Variants in CCDC178 observed in about 807,000 individuals in gnomAD.
CCDC178 encodes the protein coiled-coil domain containing 178.
A neutral mutation model predicts 117.4 loss-of-function variants in CCDC178; 126 were observed. The observed-to-expected ratio is 1.07, with a 90% confidence interval of 0.93 to 1.24. The LOEUF (loss-of-function observed/expected upper bound fraction) is 1.24, where lower values mean the gene tolerates loss of function less well. CCDC178 is among the 50% of genes most tolerant of loss of function. CCDC178 has a pLI of 0.00. For missense variants in CCDC178, 1,030 were observed against 986.9 expected (o/e 1.04, Z -0.59); for synonymous variants, 283 against 313.4 (o/e 0.90, Z 1.02).
At chr18:32,995,291 G>T (rs866536367) in intron 21 of CCDC178, among the ~76,000 whole-genome samples, 1 of 152,154 alleles carries the variant, frequency 6.6e-6, no homozygotes, top group Admixed American at 6.5e-5. Context: ...TTACAGAAAA[G>T]CAATTGTTAT....
At chr18:33,389,355 T>C (rs1032100679) in intron 5 of CCDC178, among the ~76,000 whole-genome samples, 185 bp downstream of exon 5, 7 of 151,884 alleles carry the variant, frequency 4.6e-5, no homozygotes, top group African/African-American at 1.7e-4. Context: ...AGATTATACA[T>C]TAACAATATA....
chr18:33,330,753 G>T (rs1429467461), intron 10 of CCDC178, among the ~76,000 whole-genome samples: 1 of 152,102 alleles, frequency 6.6e-6, no homozygotes, highest in African/African-American at 2.4e-5. Flanking sequence ...CAGTCCAAAA[G>T]TAGTGTGCTT....
At chr18:33,293,774 ATAC>A (rs1288481527) in intron 11 of CCDC178, among the ~76,000 whole-genome samples, 1 of 152,228 alleles carries the variant, frequency 6.6e-6, no homozygotes, top group African/African-American at 2.4e-5. Context: ...TTCTAAAAAA[ATAC>A]TACTTAGATG....
chr18:33,326,890 A>C (rs902307733), intron 10 of CCDC178, among the ~76,000 whole-genome samples: 1 of 152,018 alleles, frequency 6.6e-6, no homozygotes, highest in Admixed American at 6.5e-5. Context: ...GCGAAAACTC[A>C]ATTAGCCCAA....
At chr18:33,134,061 A>C (rs2058097836) in intron 20 of CCDC178, among the ~76,000 whole-genome samples, 1 of 151,934 alleles carries the variant, frequency 6.6e-6, no homozygotes, top group South Asian at 2.1e-4. Flanking sequence ...AAGAAAAGAA[A>C]AAAATTTAAA....
intron 21 of CCDC178, among the ~76,000 whole-genome samples, chr18:32,978,203 A>ATTTTTTTTTTTTTTTTTT (rs34863142): frequency 1.1e-5 from 1 of 90,022 alleles, no homozygotes; most frequent in African/African-American, 4.1e-5. Context: ...CTCAAAAAAG[A>ATTTTTTTTTTTTTTTTTT]TTTTTTTTTT....
intron 20 of CCDC178, among the ~76,000 whole-genome samples, chr18:33,148,417 A>G (rs382156): frequency 6.7e-6 from 1 of 150,002 alleles, no homozygotes; most frequent in African/African-American, 2.5e-5. Context: ...GACCGTGGAG[A>G]GAGAGGGAGA....
chr18:33,394,813 CTCT>C (rs958238586), intron 4 of CCDC178, among the ~76,000 whole-genome samples: 6 of 150,134 alleles, frequency 4.0e-5, no homozygotes, highest in Non-Finnish European at 7.4e-5. Flanking sequence ...AGAAAAATTC[CTCT>C]TATTATAAAT....
chr18:33,246,719 A>G (rs2059553473), intron 14 of CCDC178, among the ~76,000 whole-genome samples: 1 of 151,804 alleles, frequency 6.6e-6, no homozygotes, highest in Admixed American at 6.6e-5. Context: ...TCACTGACTC[A>G]TGACAGGGCT....
At chr18:33,204,738 G>T (rs1199560120) in intron 20 of CCDC178, among the ~76,000 whole-genome samples, 1 of 151,996 alleles carries the variant, frequency 6.6e-6, no homozygotes, top group Non-Finnish European at 1.5e-5. Context: ...AGTGGGAGAG[G>T]TTATAGTTAA....
intron 21 of CCDC178, among the ~76,000 whole-genome samples, chr18:33,010,178 A>G (rs2055834869): frequency 6.6e-6 from 1 of 152,112 alleles, no homozygotes; most frequent in Admixed American, 6.6e-5. Flanking sequence ...TAGTTTTATT[A>G]TATGTTTGAT....
intron 21 of CCDC178, among the ~76,000 whole-genome samples, chr18:33,086,858 C>A (rs2145052597): frequency 6.6e-6 from 1 of 151,960 alleles, no homozygotes; most frequent in East Asian, 1.9e-4. Context: ...GGATGATTAG[C>A]AACATCCTTA....
At chr18:33,396,312 A>G (rs955128188) in intron 4 of CCDC178, among the ~76,000 whole-genome samples, 11 of 152,110 alleles carry the variant, frequency 7.2e-5, no homozygotes, top group Non-Finnish European at 1.2e-4. Flanking sequence ...AGTGGTAGGA[A>G]AAAAATGGAG....
chr18:33,297,934 C>T (rs930091832), intron 11 of CCDC178, among the ~76,000 whole-genome samples: 2 of 151,562 alleles, frequency 1.3e-5, no homozygotes, highest in African/African-American at 2.4e-5. Flanking sequence ...CCCAGCTACT[C>T]GGGAGGCTGA....
intron 22 of CCDC178, among the ~76,000 whole-genome samples, chr18:32,958,948 T>G (rs2054648525): frequency 6.6e-6 from 1 of 152,158 alleles, no homozygotes; most frequent in Non-Finnish European, 1.5e-5. Context: ...CACTTTCTGG[T>G]TATGAGTCTC....
chr18:33,165,801 A>G (rs1294204983), intron 20 of CCDC178, among the ~76,000 whole-genome samples: 1 of 152,228 alleles, frequency 6.6e-6, no homozygotes, highest in Non-Finnish European at 1.5e-5. Context: ...GATGTGCAGC[A>G]GAACTGTTTT....
intron 20 of CCDC178, among the ~76,000 whole-genome samples, chr18:33,198,624 T>C (rs1271287852): frequency 6.6e-6 from 1 of 152,186 alleles, no homozygotes; most frequent in African/African-American, 2.4e-5. Flanking sequence ...GCCCATTTTA[T>C]GCGATTTGTA....
intron 18 of CCDC178, among the ~76,000 whole-genome samples, 188 bp from the exon 19 acceptor site, chr18:33,215,883 G>A (rs1018702121): frequency 3.9e-5 from 6 of 152,060 alleles, no homozygotes; most frequent in Non-Finnish European, 7.4e-5. Context: ...TTCACTTAGA[G>A]CCAGGAGTTC....
At chr18:33,415,555 G>GT (rs1425740933) in intron 2 of CCDC178, among the ~76,000 whole-genome samples, 1 of 151,486 alleles carries the variant, frequency 6.6e-6, no homozygotes, top group Non-Finnish European at 1.5e-5. Context: ...CTGTCGTGGG[G>GT]TGGGGGGATG....
Sources: gnomAD v4.1 joint callset for allele counts (sites outside exome capture counted in the v4.1 genomes callset) on GRCh38, gnomAD v4.1.1 for gene constraint, MANE v1.5 for transcripts, NCBI Gene and HGNC (gene_info 2026-07-23, HGNC 2026-07-21) for gene names.